The following GLI3 variants were observed in gnomAD, a reference collection of about 807,000 sequenced individuals.
GLI3 encodes the protein GLI family zinc finger 3.
In GLI3, 20 loss-of-function variants were observed where a neutral mutation model predicts 100.8. The ratio of observed to expected loss-of-function variants is 0.20; its 90% CI spans 0.14 to 0.29. The LOEUF is 0.29. GLI3 is among the 10% of genes least tolerant of loss of function. GLI3 has a pLI of 1.00. For missense variants in GLI3, 2,040 were observed against 2,128.5 expected, an observed-to-expected ratio of 0.96 and a Z score of 0.82; for synonymous variants, 938 against 860.5, an observed-to-expected ratio of 1.09 and a Z score of -1.58.
At chr7:42,153,865 C>A (rs773939822) in intron 2 of GLI3, among the ~76,000 whole-genome samples, 7 of 152,106 alleles carry the variant, frequency 4.6e-5, no homozygotes, top group Non-Finnish European at 8.8e-5. Flanking sequence ...CTCATGTGAT[C>A]CTCACAGCAA....
At chr7:42,138,859 G>A (rs1228549982) in intron 3 of GLI3, among the ~76,000 whole-genome samples, 1 of 152,150 alleles carries the variant, frequency 6.6e-6, no homozygotes. Context: ...TCCTAGAGTG[G>A]GCTCCCTTTG....
At position 42,005,075 on chromosome 7, in the gene GLI3, C is replaced by T. The variant is rs191928331; in HGVS notation, c.1497+18393G>A. Among the ~76,000 whole-genome samples the T allele has an allele frequency of 2.0e-5, 3 of 152,176 alleles. No homozygotes were observed. In the East Asian group the frequency reaches 5.8e-4, roughly 29 times the overall value. The stretch of plus-strand genomic sequence containing the variant: ...ACATACATATGATGAAAGCAAGACA[C>T]AAAATAGAAACTCACAGAACCAACA... On this transcript the variant is annotated intron_variant, in intron 10 of 14. Transcript: ENST00000395925.
intron 1 of GLI3, among the ~76,000 whole-genome samples, chr7:42,245,113 G>A (rs1329300345): frequency 1.3e-5 from 2 of 152,162 alleles, no homozygotes; most frequent in African/African-American, 4.8e-5. Flanking sequence ...ATGCTGGACT[G>A]GGCCTTCCCA....
chr7:42,068,184 T>A (rs1202138121), intron 4 of GLI3, among the ~76,000 whole-genome samples: 1 of 152,254 alleles, frequency 6.6e-6, no homozygotes, highest in African/African-American at 2.4e-5. Flanking sequence ...GCATCGCACT[T>A]GATGTTTTTC....
intron 10 of GLI3, among the ~76,000 whole-genome samples, chr7:41,995,405 T>C (rs1788097570): frequency 6.6e-6 from 1 of 152,120 alleles, no homozygotes; most frequent in Non-Finnish European, 1.5e-5. Context: ...CTCTTCTGCC[T>C]GGCCTGCTTG....
chr7:42,015,927 G>A (rs1260724223), intron 10 of GLI3, among the ~76,000 whole-genome samples: 2 of 151,682 alleles, frequency 1.3e-5, no homozygotes, highest in Non-Finnish European at 2.9e-5. Context: ...CACACTACGC[G>A]ACAAGAGGAA....
upstream of GLI3, among the ~76,000 whole-genome samples, chr7:42,237,232 C>G (rs1788825865): frequency 1.3e-5 from 2 of 151,318 alleles, no homozygotes; most frequent in African/African-American, 2.4e-5. Context: ...GTGGCGCTGC[C>G]CCTGCCCGCT....
chr7:42,246,805 CTTTTTTT>C (rs71006467), intron 1 of GLI3, among the ~76,000 whole-genome samples: 4 of 94,972 alleles, frequency 4.2e-5, no homozygotes, highest in African/African-American at 1.3e-4. Flanking sequence ...ATGATAGAAT[CTTTTTTT>C]TTTTTTTTTT....
intron 2 of GLI3, among the ~76,000 whole-genome samples, chr7:42,196,236 C>T (rs1360369721): frequency 6.6e-6 from 1 of 152,186 alleles, no homozygotes; most frequent in Admixed American, 6.5e-5. Flanking sequence ...AATGCAGGTA[C>T]ATCGTAAATC....
intron 2 of GLI3, among the ~76,000 whole-genome samples, chr7:42,189,191 CT>C (rs1787778306): frequency 6.6e-6 from 1 of 152,088 alleles, no homozygotes; most frequent in South Asian, 2.1e-4. Flanking sequence ...AAAAGAATGC[CT>C]TAAATAAGCA....
intron 7 of GLI3, among the ~76,000 whole-genome samples, chr7:42,027,560 C>G (rs1026097654): frequency 6.6e-6 from 1 of 152,144 alleles, no homozygotes; most frequent in Admixed American, 6.5e-5. Flanking sequence ...ACCATTTCAA[C>G]AACTTTAAGT....
At chr7:42,092,966 A>G (rs1041043716) in intron 3 of GLI3, among the ~76,000 whole-genome samples, 2 of 151,638 alleles carry the variant, frequency 1.3e-5, no homozygotes, top group African/African-American at 4.8e-5. Context: ...GACACCCGCC[A>G]CCACGCCTGG....
intron 2 of GLI3, among the ~76,000 whole-genome samples, chr7:42,218,979 A>C (rs1219127053): frequency 3.3e-5 from 5 of 152,244 alleles, no homozygotes; most frequent in Admixed American, 6.5e-5. Flanking sequence ...AAATTTTATA[A>C]GAGAATGAGA....
chr7:42,186,138 C>T (rs753198991), intron 2 of GLI3, among the ~76,000 whole-genome samples: 6 of 152,166 alleles, frequency 3.9e-5, no homozygotes, highest in South Asian at 2.1e-4. Flanking sequence ...GTGTCTAAAA[C>T]GAAAAACAGT....
intron 7 of GLI3, among the ~76,000 whole-genome samples, chr7:42,033,183 C>T (rs1018771029): frequency 4.6e-5 from 7 of 152,302 alleles, no homozygotes; most frequent in South Asian, 4.1e-4. Context: ...ATCACAAAGG[C>T]GCCAGCTCTC....
At chr7:41,979,172 A>G (rs1466882846) in intron 10 of GLI3, among the ~76,000 whole-genome samples, 3 of 152,232 alleles carry the variant, frequency 2.0e-5, no homozygotes, top group Non-Finnish European at 2.9e-5. Context: ...CAACTCTCAC[A>G]TGCTGGGCCA....
chr7:42,152,288 C>T, intron 2 of GLI3: 1 of 501,086 alleles, frequency 2.0e-6, no homozygotes. Context: ...ATTTTAATAC[C>T]CACTACTCCT....
At chr7:42,095,950 A>C (rs1785328962) in intron 3 of GLI3, among the ~76,000 whole-genome samples, 1 of 152,178 alleles carries the variant, frequency 6.6e-6, no homozygotes, top group Non-Finnish European at 1.5e-5. Flanking sequence ...GGGAGGAAGC[A>C]GAGTTGTGCA....
chr7:42,263,640 G>A (rs1437730921), intron 1 of GLI3, among the ~76,000 whole-genome samples: 1 of 151,998 alleles, frequency 6.6e-6, no homozygotes, highest in South Asian at 2.1e-4. Flanking sequence ...TACAGATGGG[G>A]TTTCACCATG....
Sources: allele counts gnomAD v4.1 joint callset (sites outside exome capture counted in the v4.1 genomes callset), GRCh38; gene constraint gnomAD v4.1.1; transcripts MANE v1.5; gene names NCBI Gene and HGNC (gene_info 2026-07-23, HGNC 2026-07-21).